The following RALGAPA1 variants were observed in gnomAD, a reference collection of about 807,000 sequenced individuals.
RALGAPA1 encodes the protein ral GTPase-activating protein subunit alpha-1.
RALGAPA1 carries 52 observed loss-of-function variants against 269.6 expected under a neutral mutation model. That is an observed-to-expected ratio of 0.19 (90% CI 0.15 to 0.24). The LOEUF is 0.24. Among genes scored for constraint, RALGAPA1 ranks in the 10% least tolerant of loss-of-function variants. The probability of loss-of-function intolerance (pLI) is 1.00; values close to 1 mark genes in which losing one functional copy is unlikely to be tolerated. For missense variants in RALGAPA1, 1,917 were observed against 3,013.9 expected (o/e 0.64, Z 8.52); for synonymous variants, 817 against 1,008.3 (o/e 0.81, Z 3.60).
intron 37 of RALGAPA1, among the ~76,000 whole-genome samples, chr14:35,585,074 C>T (rs185558178): frequency 2.5e-3 from 378 of 152,086 alleles, no homozygotes; most frequent in Admixed American, 6.3e-3. Flanking sequence ...AAGTTATCAG[C>T]GATAAAGAGA....
chr14:35,644,717 G>A (rs575012553), intron 31 of RALGAPA1, among the ~76,000 whole-genome samples: 1 of 152,162 alleles, frequency 6.6e-6, no homozygotes, highest in South Asian at 2.1e-4. Flanking sequence ...AGGATGGACT[G>A]AATCTCGTGG....
At chr14:35,681,888 T>C (rs2065477484) in intron 21 of RALGAPA1, among the ~76,000 whole-genome samples, 1 of 152,226 alleles carries the variant, frequency 6.6e-6, no homozygotes, top group Non-Finnish European at 1.5e-5. Flanking sequence ...ACACATAGAA[T>C]AATAACGTAT....
chr14:35,625,775 T>A (rs2060956113), intron 34 of RALGAPA1, among the ~76,000 whole-genome samples: 2 of 152,204 alleles, frequency 1.3e-5, no homozygotes, highest in Non-Finnish European at 1.5e-5. Flanking sequence ...TTGTATCTCA[T>A]GAGAAATAAA....
At chr14:35,693,059 G>C (rs1019508095) in intron 17 of RALGAPA1, among the ~76,000 whole-genome samples, 2 of 151,864 alleles carry the variant, frequency 1.3e-5, no homozygotes, top group Non-Finnish European at 2.9e-5. Context: ...AGGAGTTGTG[G>C]TGTCAAGTAA....
At chr14:35,782,928 C>T (rs2141659060) in intron 1 of RALGAPA1, among the ~76,000 whole-genome samples, 1 of 151,846 alleles carries the variant, frequency 6.6e-6, no homozygotes, top group East Asian at 1.9e-4. Context: ...CTCAAGCAAT[C>T]CTCCCACCTC....
At chr14:35,584,777 A>T (rs2058173030) in intron 37 of RALGAPA1, among the ~76,000 whole-genome samples, 1 of 152,204 alleles carries the variant, frequency 6.6e-6, no homozygotes, top group African/African-American at 2.4e-5. Context: ...ACAAAGAACA[A>T]GGGCAAAAAT....
rs190068326 is a variant in RALGAPA1 at position 35,621,118 on chromosome 14, A to G, written c.6929+4243T>C. Among the ~76,000 whole-genome samples the G allele has an allele frequency of 4.7e-4, 71 of 152,320 alleles. 1 individual carries two copies. In the East Asian group the frequency reaches 0.013, roughly 28 times the overall value. On this transcript the variant is annotated intron_variant, in intron 35 of 41. Coordinates refer to ENST00000680220, the MANE Select transcript of RALGAPA1 (RefSeq NM_001346249.2). Reference sequence around the variant, plus strand: ...TGCTACCTGACTTCAAACATACTACAAGGCTACAGTAACCAAAACAGCATG... The same window carrying G: ...TGCTACCTGACTTCAAACATACTACGAGGCTACAGTAACCAAAACAGCATG...
At position 35,689,649 on chromosome 14, in the gene RALGAPA1, G is replaced by C; in HGVS notation, c.2762C>G (p.Ala921Gly). 5 of 1,269,258 alleles carry C rather than the reference G, an allele frequency of 3.9e-6. No homozygotes were observed. Among genetic ancestry groups the C allele is most frequent in the Non-Finnish European group, 5.0e-6 (5 of 1,009,368 alleles). The allele number at this position is 1,269,258 out of a possible 1,614,324, so 78.6% of individuals were successfully genotyped here. The change falls in exon 18 of 42, where the codon GCA becomes GGA. Residue 921 changes from alanine to glycine, a missense_variant. This residue lies in a region of RALGAPA1 where 615 missense variants were observed against 790.0 expected (regional missense o/e 0.78). Coordinates refer to ENST00000680220, the MANE Select transcript of RALGAPA1 (RefSeq NM_001346249.2). ...CTGGATTTGTTCAAAAGCTGAATCT[G>C]CAAGTTCTACTGGACCTATTAAATG... is the stretch of plus-strand genomic sequence containing the variant. ...LCHLIGPVELADSAFEQIQYI... is the reference protein window; with the variant it reads ...LCHLIGPVELGDSAFEQIQYI...
intron 37 of RALGAPA1, 103 bp downstream of exon 37, chr14:35,595,531 C>T: frequency 1.9e-6 from 2 of 1,063,018 alleles, no homozygotes; most frequent in Non-Finnish European, 2.9e-6. Flanking sequence ...TGTACTACAA[C>T]CAGAAACAGT....
At chr14:35,736,712 G>A (rs2071027100) in intron 12 of RALGAPA1, among the ~76,000 whole-genome samples, 1 of 152,162 alleles carries the variant, frequency 6.6e-6, no homozygotes, top group Admixed American at 6.6e-5. Flanking sequence ...GAGGTCACAT[G>A]TGGCCTTGAC....
rs190040066 is a variant in RALGAPA1, at chr14:35,740,039, T to C, written c.1450-1389A>G. Among the ~76,000 whole-genome samples the C allele has an allele frequency of 2.2e-4, 34 of 152,268 alleles. 1 individual carries two copies. Among genetic ancestry groups the C allele is most frequent in the Admixed American group, 1.8e-3 (28 of 15,298 alleles). ...ATAAAAATATTTTCAAGGTTTCTCA[T>C]ACATTTGCAGGTGCTATTCACACGG... On this transcript the variant is annotated intron_variant, in intron 11 of 41. Transcript: ENST00000680220.
At chr14:35,747,690 C>T (rs1056065526) in intron 10 of RALGAPA1, among the ~76,000 whole-genome samples, 1 of 152,104 alleles carries the variant, frequency 6.6e-6, no homozygotes, top group Non-Finnish European at 1.5e-5. Context: ...GAAGATCTAC[C>T]ACTTACTTGC....
chr14:35,621,486 T>C (rs1467190736), intron 35 of RALGAPA1, among the ~76,000 whole-genome samples: 1 of 152,114 alleles, frequency 6.6e-6, no homozygotes, highest in African/African-American at 2.4e-5. Context: ...CCAAAATCAA[T>C]GGCAACAAAA....
intron 37 of RALGAPA1, among the ~76,000 whole-genome samples, chr14:35,579,077 T>C (rs1207904500): frequency 6.6e-6 from 1 of 152,240 alleles, no homozygotes; most frequent in Non-Finnish European, 1.5e-5. Context: ...AAGGTCTTTC[T>C]GAGAAACTGT....
intron 31 of RALGAPA1, among the ~76,000 whole-genome samples, chr14:35,642,137 A>T (rs1406073260): frequency 6.6e-6 from 1 of 152,224 alleles, no homozygotes; most frequent in Non-Finnish European, 1.5e-5. Flanking sequence ...TCAAATTATG[A>T]AACTACTACA....
intron 36 of RALGAPA1, among the ~76,000 whole-genome samples, chr14:35,596,352 A>G (rs1289766581): frequency 2.0e-5 from 3 of 152,126 alleles, no homozygotes; most frequent in African/African-American, 4.8e-5. Context: ...ATACATGTTA[A>G]TATCAGGGTT....
At chr14:35,795,778 C>T (rs2076516242) in intron 1 of RALGAPA1, among the ~76,000 whole-genome samples, 1 of 149,038 alleles carries the variant, frequency 6.7e-6, no homozygotes, top group Non-Finnish European at 1.5e-5. Flanking sequence ...AGCTTGAGGC[C>T]AGCCTGGGCA....
intron 39 of RALGAPA1, 146 bp from the exon 40 acceptor site, chr14:35,549,380 T>G: frequency 1.2e-6 from 1 of 828,086 alleles, no homozygotes; most frequent in Non-Finnish European, 1.7e-6. Flanking sequence ...GTTAACAGTA[T>G]GGCTTTTTAA....
chr14:35,723,777 CACA>C (rs1032479978), intron 14 of RALGAPA1: 1 of 151,886 alleles, frequency 6.6e-6, no homozygotes, highest in African/African-American at 2.4e-5. Flanking sequence ...TATTTTTAAA[CACA>C]ACAAATTAAA....
Sources: allele counts gnomAD v4.1 joint callset (sites outside exome capture counted in the v4.1 genomes callset), GRCh38; gene constraint gnomAD v4.1.1; regional missense constraint gnomAD v4.1.1; transcripts MANE v1.5; gene names NCBI Gene and HGNC (gene_info 2026-07-23, HGNC 2026-07-21).